The following TM9SF3 variants were observed in gnomAD, a reference collection of about 807,000 sequenced individuals.
TM9SF3 encodes SM-11044-binding protein.
A neutral mutation model predicts 78.6 loss-of-function variants in TM9SF3; 14 were observed. That is an observed-to-expected ratio of 0.18 (90% CI 0.12 to 0.28). The LOEUF (loss-of-function observed/expected upper bound fraction) is 0.28. Among genes scored for constraint, TM9SF3 ranks in the 10% least tolerant of loss-of-function variants. The pLI, the probability that TM9SF3 is intolerant of heterozygous loss-of-function variation, is 1.00. For synonymous variants in TM9SF3, 231 were observed against 241.7 expected (o/e 0.96, Z 0.41); for missense variants, 496 against 721.9 (o/e 0.69, Z 3.59).
intron 3 of TM9SF3, among the ~76,000 whole-genome samples, chr10:96,562,510 G>A (rs1004123213): frequency 5.9e-5 from 9 of 152,100 alleles, no homozygotes; most frequent in Non-Finnish European, 1.2e-4. Flanking sequence ...AGGTTACCCA[G>A]CTATTAGTGG....
chr10:96,543,423 C>T lies in TM9SF3; in HGVS notation c.1185+653G>A, dbSNP rs961645936. The stretch of plus-strand genomic sequence containing the variant: ...GATCTCGGCTCACTGCAACCTCCAC[C>T]TCCCAGGTTCATGCCATTCTCCTGC... On this transcript the variant is annotated intron_variant, in intron 9 of 14. Coordinates refer to ENST00000371142, the MANE Select transcript of TM9SF3 (RefSeq NM_020123.4). Among the ~76,000 whole-genome samples, 6 of 148,886 alleles carry T rather than the reference C, an allele frequency of 4.0e-5. No individual in the cohort carries two copies. In the Admixed American group the frequency reaches 4.1e-4, roughly 10 times the overall value.
chr10:96,522,430 T>A, intron 14 of TM9SF3, 100 bp from the exon 15 acceptor site: 2 of 966,588 alleles, frequency 2.1e-6, no homozygotes, highest in Non-Finnish European at 3.0e-6. Flanking sequence ...GTTATTCTTT[T>A]TTAAAGAAAA....
At chr10:96,533,273 A>G in intron 9 of TM9SF3, 83 bp from the exon 10 acceptor site, 12 of 1,466,616 alleles carry the variant, frequency 8.2e-6, no homozygotes, top group Non-Finnish European at 1.1e-5. Context: ...ATTTAAACAC[A>G]ATTTGACCAC....
rs1387443934 is a variant in TM9SF3, at chr10:96,534,889, T to A, written c.1186-1699A>T. The stretch of plus-strand genomic sequence containing the variant: ...ATAAAGTTTCTCCTGCTTATCTCTG[T>A]GTATATACTGAACTGAATGAATTTT... On this transcript the variant is annotated intron_variant, in intron 9 of 14. Coordinates refer to ENST00000371142, the MANE Select transcript of TM9SF3 (RefSeq NM_020123.4). Among the ~76,000 whole-genome samples, 3 of 152,222 alleles carry A rather than the reference T, an allele frequency of 2.0e-5. No individual in the cohort carries two copies. In the East Asian group the frequency reaches 5.8e-4, roughly 29 times the overall value.
chr10:96,570,046 A>T (rs1848422759), intron 2 of TM9SF3, among the ~76,000 whole-genome samples: 1 of 152,176 alleles, frequency 6.6e-6, no homozygotes, highest in South Asian at 2.1e-4. Context: ...AAATGGGGGA[A>T]AAAAACCACA....
chr10:96,525,521 T>C (rs1847828592), intron 14 of TM9SF3, among the ~76,000 whole-genome samples: 1 of 151,980 alleles, frequency 6.6e-6, no homozygotes, highest in African/African-American at 2.4e-5. Flanking sequence ...AACAAAGCAA[T>C]CTTGGTACCC....
intron 8 of TM9SF3, among the ~76,000 whole-genome samples, chr10:96,546,586 T>C (rs530779677): frequency 6.6e-6 from 1 of 152,318 alleles, no homozygotes; most frequent in Admixed American, 6.5e-5. Flanking sequence ...TAGTCCTATA[T>C]GATAGGACTA....
chr10:96,545,953 C>T (rs1412952310), intron 8 of TM9SF3, among the ~76,000 whole-genome samples: 2 of 152,196 alleles, frequency 1.3e-5, no homozygotes, highest in African/African-American at 4.8e-5. Context: ...TTCTCCCTTT[C>T]CTTCTAACAG....
At position 96,565,351 on chromosome 10, in the gene TM9SF3, T is replaced by A; in HGVS notation, c.374A>T (p.Lys125Ile). ...GTACATCTGGTACCAGTAATGATTT[T>A]TTATGGCATATACAAATGCATCTCT... Reference protein sequence around the residue: ...EKRDAFVYAIKNHYWYQMYID... With the variant: ...EKRDAFVYAIINHYWYQMYID... Residue 125 changes from lysine (K) to isoleucine (I), a missense_variant, in exon 3 of 15, where the codon AAA (lysine) becomes ATA (isoleucine). Coordinates refer to ENST00000371142, the MANE Select transcript of TM9SF3 (RefSeq NM_020123.4). 1 of 1,568,036 alleles carries A rather than the reference T, an allele frequency of 6.4e-7. No individual in the cohort carries two copies.
At chr10:96,526,784 T>C (rs1847842701) in intron 14 of TM9SF3, among the ~76,000 whole-genome samples, 1 of 152,088 alleles carries the variant, frequency 6.6e-6, no homozygotes, top group Non-Finnish European at 1.5e-5. Context: ...CTGAGAAGTT[T>C]CCAAACAGGA....
At chr10:96,571,947 C>G (rs564258585) in intron 2 of TM9SF3, among the ~76,000 whole-genome samples, 1 of 152,100 alleles carries the variant, frequency 6.6e-6, no homozygotes, top group African/African-American at 2.4e-5. Flanking sequence ...CCATAATGAA[C>G]CAATTATCGT....
intron 1 of TM9SF3, among the ~76,000 whole-genome samples, chr10:96,583,959 AG>A (rs1164929661): frequency 6.7e-6 from 1 of 149,840 alleles, no homozygotes. Flanking sequence ...GCTTGAACCC[AG>A]GAGGCAGAGA....
chr10:96,580,248 C>T (rs1324142245), intron 1 of TM9SF3, among the ~76,000 whole-genome samples: 1 of 150,872 alleles, frequency 6.6e-6, no homozygotes, highest in Non-Finnish European at 1.5e-5. Context: ...TCTTCCTCCC[C>T]TTTTCTGCTT....
intron 1 of TM9SF3, among the ~76,000 whole-genome samples, chr10:96,583,651 T>C (rs1033660398): frequency 1.3e-5 from 2 of 151,356 alleles, no homozygotes; most frequent in African/African-American, 4.9e-5. Flanking sequence ...CTCACCTCTC[T>C]AGATTCACTT....
At chr10:96,530,488 T>G in intron 11 of TM9SF3, 52 bp downstream of exon 11, 6 of 1,446,982 alleles carry the variant, frequency 4.1e-6, no homozygotes, top group Non-Finnish European at 5.7e-6. Context: ...ACTCCTAAAT[T>G]GTCTTACTAT....
chr10:96,567,364 C>T (rs1848388852), intron 2 of TM9SF3, among the ~76,000 whole-genome samples: 1 of 152,232 alleles, frequency 6.6e-6, no homozygotes, highest in Non-Finnish European at 1.5e-5. Context: ...GGATTACAGG[C>T]GTGAGCCACC....
chr10:96,555,640 C>T (rs1243511063), intron 5 of TM9SF3, among the ~76,000 whole-genome samples: 3 of 152,162 alleles, frequency 2.0e-5, no homozygotes, highest in Non-Finnish European at 4.4e-5. Context: ...CAGGAGACAG[C>T]CTCTTCAGAA....
chr10:96,527,511 G>A lies in TM9SF3; in HGVS notation c.1542-15C>T. The A allele has an allele frequency of 1.3e-6, 2 of 1,584,198 alleles. No homozygotes were observed. Among genetic ancestry groups the A allele is most frequent in the South Asian group, 1.1e-5 (1 of 87,424 alleles). ...TTGTCCATTGCCTGGTGGGGGGAGGGGGAAAGAAGATAAATCTCTTTTGAA... is the reference window on the plus strand; with the variant it reads ...TTGTCCATTGCCTGGTGGGGGGAGGAGGAAAGAAGATAAATCTCTTTTGAA... On this transcript the variant is annotated splice_polypyrimidine_tract_variant and intron_variant, in intron 12 of 14. Transcript: ENST00000371142.
rs552611906 is a variant in TM9SF3, at chr10:96,578,664, A to G, written c.103-1835T>C. Among the ~76,000 whole-genome samples the G allele has an allele frequency of 4.6e-5, 7 of 152,362 alleles. No homozygotes were observed. In the East Asian group the frequency reaches 1.3e-3, roughly 29 times the overall value. On this transcript the variant is annotated intron_variant, in intron 1 of 14. Coordinates refer to ENST00000371142, the MANE Select transcript of TM9SF3 (RefSeq NM_020123.4). ...CTCTTCCATCCAATGCTCATGGGCC[A>G]CACAATACTAATCAACCAAGTTACT... is the stretch of plus-strand genomic sequence containing the variant.
Sources: allele counts gnomAD v4.1 joint callset (sites outside exome capture counted in the v4.1 genomes callset), GRCh38; gene constraint gnomAD v4.1.1; transcripts MANE v1.5; gene names NCBI Gene and HGNC (gene_info 2026-07-23, HGNC 2026-07-21).